NDST4: variants seen among roughly 807,000 people sequenced by gnomAD.
NDST4 encodes the protein N-heparan sulfate sulfotransferase 4.
In NDST4, 63 loss-of-function variants were observed where a neutral mutation model predicts 100.8. The ratio of observed to expected loss-of-function variants is 0.62; its 90% CI spans 0.51 to 0.77. The LOEUF is 0.77. NDST4 is among the 30% of genes least tolerant of loss of function. The pLI, the probability that NDST4 is intolerant of heterozygous loss-of-function variation, is 0.00. For missense variants in NDST4, 943 were observed against 1,018.4 expected (o/e 0.93, Z 1.01); for synonymous variants, 377 against 361.8 (o/e 1.04, Z -0.48).
At chr4:114,946,405 GA>G (rs1014244537) in intron 4 of NDST4, among the ~76,000 whole-genome samples, 1 of 152,198 alleles carries the variant, frequency 6.6e-6, no homozygotes, top group Non-Finnish European at 1.5e-5. Flanking sequence ...GAAATATGGA[GA>G]AAAATAAAGC....
In NDST4 at chr4:115,053,278, A is replaced by G. The variant is rs148767342; in HGVS notation, c.978+22781T>C. ...AGTGATGAACATTTTAACACTAGTA[A>G]AGAATTAGTAATGGAATTTCAGAAA... On this transcript the variant is annotated intron_variant, in intron 2 of 13. Coordinates refer to ENST00000264363, the MANE Select transcript of NDST4 (RefSeq NM_022569.3). Among the ~76,000 whole-genome samples, 9 of 152,282 alleles carry G rather than the reference A, an allele frequency of 5.9e-5. No homozygotes were observed. The East Asian group carries it at 1.7e-3, about 29-fold the overall frequency.
At chr4:115,034,544 A>G (rs535925330) in intron 2 of NDST4, among the ~76,000 whole-genome samples, 181 of 152,276 alleles carry the variant, frequency 1.2e-3, no homozygotes, top group African/African-American at 4.2e-3. Context: ...CTGTTATAAC[A>G]TTAAGTTTAA....
At chr4:114,916,584 T>A (rs189478223) in intron 6 of NDST4, among the ~76,000 whole-genome samples, 48 of 89,506 alleles carry the variant, frequency 5.4e-4, no homozygotes, top group African/African-American at 2.1e-3. Flanking sequence ...GTGTGTGTGT[T>A]TGTGTGTATG....
chr4:114,953,397 C>G (rs1174266995), intron 4 of NDST4, among the ~76,000 whole-genome samples: 2 of 151,948 alleles, frequency 1.3e-5, no homozygotes, highest in Admixed American at 1.3e-4. Context: ...ACAATGGCTG[C>G]AAGAGAAAGT....
chr4:115,037,112 A>G (rs1167329115), intron 2 of NDST4, among the ~76,000 whole-genome samples: 1 of 152,048 alleles, frequency 6.6e-6, no homozygotes, highest in Admixed American at 6.6e-5. Flanking sequence ...ACTAAGATCA[A>G]TGAGGTTGTG....
intron 2 of NDST4, among the ~76,000 whole-genome samples, chr4:115,065,129 T>C (rs1578494432): frequency 6.6e-6 from 1 of 152,278 alleles, no homozygotes; most frequent in African/African-American, 2.4e-5. Context: ...CTGTCAATTC[T>C]ACTTCTGCGA....
intron 10 of NDST4, among the ~76,000 whole-genome samples, chr4:114,843,022 A>G (rs566249518): frequency 3.3e-5 from 5 of 152,260 alleles, no homozygotes; most frequent in African/African-American, 9.6e-5. Context: ...CATCATTATC[A>G]TATGATGTAG....
At chr4:115,112,341 T>C (rs939346848) in intron 1 of NDST4, among the ~76,000 whole-genome samples, 1 of 151,910 alleles carries the variant, frequency 6.6e-6, no homozygotes, top group Non-Finnish European at 1.5e-5. Context: ...AACCATGTTG[T>C]TGGTGAGAAA....
chr4:114,836,517 A>C (rs992107335), intron 11 of NDST4, among the ~76,000 whole-genome samples: 3 of 152,116 alleles, frequency 2.0e-5, no homozygotes, highest in African/African-American at 7.2e-5. Context: ...CTTTGTAGGT[A>C]ACCTGACCTT....
chr4:115,051,763 T>G (rs1728588991), intron 2 of NDST4, among the ~76,000 whole-genome samples: 1 of 152,144 alleles, frequency 6.6e-6, no homozygotes, highest in South Asian at 2.1e-4. Context: ...TTGTTCCTTT[T>G]GGATATATAC....
At chr4:115,093,430 G>C (rs1029172225) in intron 1 of NDST4, among the ~76,000 whole-genome samples, 1 of 151,832 alleles carries the variant, frequency 6.6e-6, no homozygotes, top group Non-Finnish European at 1.5e-5. Context: ...AGCTGAGATA[G>C]CGCCACTGCA....
chr4:114,829,867 A>C lies in NDST4; in HGVS notation c.2422T>G (p.Cys808Gly), dbSNP rs776661343. The change falls in exon 13 of 14, where the codon TGT (cysteine) becomes GGT (glycine). Residue 808 changes from cysteine to glycine, a missense_variant. Coordinates refer to ENST00000264363, the MANE Select transcript of NDST4 (RefSeq NM_022569.3). Reference protein sequence around the residue: ...LTFDPQKGFWCQLLEGGKTKC... With the variant: ...LTFDPQKGFWGQLLEGGKTKC... ...GTCTTTCCTCCTTCCAGTAATTGAC[A>C]CCAAAAACCCTTTTGGGGATCAAAC... The C allele has an allele frequency of 7.4e-6, 12 of 1,611,402 alleles. No homozygotes were observed. Among genetic ancestry groups the C allele is most frequent in the Non-Finnish European group, 8.5e-6 (10 of 1,179,346 alleles).
chr4:114,973,396 C>T (rs923563785), intron 3 of NDST4, among the ~76,000 whole-genome samples: 1 of 151,636 alleles, frequency 6.6e-6, no homozygotes, highest in Admixed American at 6.6e-5. Flanking sequence ...ATATCATTTG[C>T]AGTTTATATG....
intron 2 of NDST4, among the ~76,000 whole-genome samples, chr4:115,064,912 G>A (rs1334548272): frequency 6.6e-6 from 1 of 152,014 alleles, no homozygotes; most frequent in Non-Finnish European, 1.5e-5. Context: ...TATTGTTTCA[G>A]AAGACAAATA....
intron 4 of NDST4, among the ~76,000 whole-genome samples, chr4:114,965,657 T>C (rs1726363964): frequency 1.3e-5 from 2 of 151,994 alleles, no homozygotes; most frequent in African/African-American, 4.8e-5. Context: ...TACTTACCCC[T>C]TCAGGATATT....
intron 12 of NDST4, among the ~76,000 whole-genome samples, chr4:114,831,689 G>T (rs1214341353): frequency 2.6e-5 from 4 of 152,134 alleles, no homozygotes; most frequent in Non-Finnish European, 4.4e-5. Flanking sequence ...AGAGAAAGGA[G>T]AGCCCTCCAG....
At chr4:114,938,157 G>A (rs1725673812) in intron 4 of NDST4, among the ~76,000 whole-genome samples, 1 of 151,970 alleles carries the variant, frequency 6.6e-6, no homozygotes, top group Admixed American at 6.6e-5. Flanking sequence ...GGTGAACATA[G>A]GTAACTAAAT....
rs1315375716 is a variant in NDST4, at chr4:115,076,474, A to T, written c.563T>A (p.Leu188Gln). 1 of 1,613,984 alleles carries T rather than the reference A, an allele frequency of 6.2e-7. No individual in the cohort carries two copies. The highest frequency in any genetic ancestry group is 1.7e-5 in the Admixed American group (1 of 59,998). Residue 188 changes from leucine (L) to glutamine (Q), a missense_variant, in exon 2 of 14, where the codon CTA becomes CAA. Leu to Gln is a moderately radical substitution (Grantham distance 113). Transcript: ENST00000264363. ...GTTAACAAAACAGTCCTTTAGAGCTAGATTATTGAAAAGGTTTAACGGAAA... is the reference window on the plus strand; with the variant it reads ...GTTAACAAAACAGTCCTTTAGAGCTTGATTATTGAAAAGGTTTAACGGAAA... ...KGFPLNLFNN[L>Q]ALKDCFVNPQ...
rs573546097 is a variant in NDST4, at chr4:115,006,197, C to G, written c.979-28923G>C. ...ATACATTCAGGAAATGGCTAGAAGTCCTTTATGACTGAGGAAGAGTTGATT... is the reference window on the plus strand; with the variant it reads ...ATACATTCAGGAAATGGCTAGAAGTGCTTTATGACTGAGGAAGAGTTGATT... On this transcript the variant is annotated intron_variant, in intron 2 of 13. Transcript: ENST00000264363. Among the ~76,000 whole-genome samples the G allele has an allele frequency of 4.6e-5, 7 of 151,930 alleles. No homozygotes were observed. In the Middle Eastern group the frequency reaches 0.014, roughly 295 times the overall value.
Sources: gnomAD v4.1 joint callset for allele counts (sites outside exome capture counted in the v4.1 genomes callset) on GRCh38, gnomAD v4.1.1 for gene constraint, MANE v1.5 for transcripts, NCBI Gene and HGNC (gene_info 2026-07-23, HGNC 2026-07-21) for gene names.